KIAA1549L: variants seen among roughly 807,000 people sequenced by gnomAD.
KIAA1549L encodes the protein UPF0606 protein KIAA1549L.
KIAA1549L carries 88 observed loss-of-function variants against 160.7 expected under a neutral mutation model. That is an observed-to-expected ratio of 0.55 (90% CI 0.46 to 0.65). KIAA1549L has a LOEUF of 0.65. Among genes scored for constraint, KIAA1549L ranks in the 30% least tolerant of loss-of-function variants. The pLI is 0.00. For missense variants in KIAA1549L, 2,258 were observed against 2,437.5 expected (o/e 0.93, Z 1.55); for synonymous variants, 950 against 976.7 (o/e 0.97, Z 0.51).
chr11:33,466,176 G>A (rs1852053926), intron 1 of KIAA1549L, among the ~76,000 whole-genome samples: 1 of 152,200 alleles, frequency 6.6e-6, no homozygotes, highest in Admixed American at 6.5e-5. Context: ...TCATCAGAGT[G>A]AACAGGCAAC....
At chr11:33,566,896 T>G (rs1028908164) in intron 8 of KIAA1549L, among the ~76,000 whole-genome samples, 1 of 152,224 alleles carries the variant, frequency 6.6e-6, no homozygotes, top group Admixed American at 6.5e-5. Context: ...CCCTTTCAAG[T>G]TTTGGTCTCT....
chr11:33,554,653 G>A (rs886274285), intron 6 of KIAA1549L, among the ~76,000 whole-genome samples: 5 of 152,186 alleles, frequency 3.3e-5, no homozygotes, highest in African/African-American at 1.2e-4. Context: ...AAATGCCTGG[G>A]ATTAGCTCTC....
chr11:33,498,546 G>A (rs1852872296), intron 1 of KIAA1549L, among the ~76,000 whole-genome samples: 1 of 152,154 alleles, frequency 6.6e-6, no homozygotes, highest in South Asian at 2.1e-4. Context: ...TTTCCTCATA[G>A]CATGGAGGTC....
chr11:33,477,505 A>ATGCACG (rs1554981514), intron 1 of KIAA1549L, among the ~76,000 whole-genome samples: 101 of 143,218 alleles, frequency 7.1e-4, no homozygotes, highest in African/African-American at 2.8e-3. Context: ...ACGCAGGTGC[A>ATGCACG]CGCACACACA....
At position 33,645,754 on chromosome 11, in the gene KIAA1549L, T is replaced by C; in HGVS notation, c.5478T>C (p.Ser1826=). Residue 1826 remains serine, a synonymous_variant, in exon 17 of 21, where the codon TCT becomes TCC. Coordinates refer to ENST00000658780, the MANE Select transcript of KIAA1549L (RefSeq NM_012194.3). ...RVPEPRGYSR[S]RQVKGHSETS... is the part of the protein sequence containing the mutation. ...CTGAGCCCCGGGGCTATTCCAGGTC[T>C]CGACAGGTGAAAGGCCACTCGGAGA... is the stretch of plus-strand genomic sequence containing the variant. 1 of 1,613,950 alleles carries C rather than the reference T, an allele frequency of 6.2e-7. No individual in the cohort carries two copies. The highest frequency in any genetic ancestry group is 8.5e-7 in the Non-Finnish European group (1 of 1,179,874).
At chr11:33,419,611 C>T (rs1022170767) in intron 1 of KIAA1549L, among the ~76,000 whole-genome samples, 8 of 151,872 alleles carry the variant, frequency 5.3e-5, no homozygotes, top group Non-Finnish European at 7.4e-5. Flanking sequence ...TTTGGGAGGC[C>T]GAGGTGGGCG....
intron 1 of KIAA1549L, among the ~76,000 whole-genome samples, chr11:33,474,054 G>A (rs1299769056): frequency 1.3e-5 from 2 of 152,042 alleles, no homozygotes; most frequent in Non-Finnish European, 2.9e-5. Context: ...AGAGAGAGAG[G>A]GAGAAGGTGG....
At chr11:33,410,486 A>G (rs940301980) in intron 1 of KIAA1549L, among the ~76,000 whole-genome samples, 2 of 152,172 alleles carry the variant, frequency 1.3e-5, no homozygotes, top group Non-Finnish European at 2.9e-5. Context: ...AGTTCTTATA[A>G]CACATTTCTT....
intron 8 of KIAA1549L, among the ~76,000 whole-genome samples, chr11:33,564,137 G>A (rs1854969241): frequency 1.3e-5 from 2 of 152,154 alleles, no homozygotes; most frequent in Non-Finnish European, 2.9e-5. Context: ...GGGAAGGGCT[G>A]GAACCAGGTC....
At position 33,647,465 on chromosome 11, in the gene KIAA1549L, T is replaced by C. The variant is rs548450372; in HGVS notation, c.5760+1429T>C. 2.0e-5 allele frequency among the ~76,000 whole-genome samples: 3 copies of C among 152,240 alleles called. No homozygotes were observed. In the South Asian group the frequency reaches 6.2e-4, roughly 32 times the overall value. On this transcript the variant is annotated intron_variant, in intron 17 of 20. Coordinates refer to ENST00000658780, the MANE Select transcript of KIAA1549L (RefSeq NM_012194.3). ...CATATTTGAAAAAGCATCCAATGAC[T>C]GAAAGCTTCTGTAATTTACACTTGA...
chr11:33,480,110 T>C (rs1852377676), intron 1 of KIAA1549L, among the ~76,000 whole-genome samples: 1 of 152,140 alleles, frequency 6.6e-6, no homozygotes, highest in Admixed American at 6.5e-5. Context: ...CCAAATACAA[T>C]ACAGCTCACC....
chr11:33,623,342 G>T (rs1851010927), intron 16 of KIAA1549L, among the ~76,000 whole-genome samples: 1 of 152,108 alleles, frequency 6.6e-6, no homozygotes, highest in African/African-American at 2.4e-5. Context: ...GTGCTCTTGT[G>T]TTGACCCCAC....
chr11:33,387,316 A>AT (rs1850192723), intron 1 of KIAA1549L, among the ~76,000 whole-genome samples: 1 of 151,412 alleles, frequency 6.6e-6, no homozygotes, highest in Non-Finnish European at 1.5e-5. Context: ...ATTTTATTTT[A>AT]TTTTTTTGAG....
chr11:33,547,219 G>C (rs879808640), intron 3 of KIAA1549L, among the ~76,000 whole-genome samples: 5 of 152,196 alleles, frequency 3.3e-5, no homozygotes, highest in Non-Finnish European at 7.3e-5. Flanking sequence ...AATTTTCCCT[G>C]ATCCCCATCC....
intron 20 of KIAA1549L, among the ~76,000 whole-genome samples, chr11:33,666,365 C>T (rs1482116385): frequency 6.6e-6 from 1 of 152,208 alleles, no homozygotes; most frequent in African/African-American, 2.4e-5. Context: ...TACGCCCATA[C>T]ATTTTGATTT....
intron 1 of KIAA1549L, among the ~76,000 whole-genome samples, chr11:33,540,005 C>G (rs1376615691): frequency 6.6e-6 from 1 of 152,208 alleles, no homozygotes; most frequent in East Asian, 1.9e-4. Flanking sequence ...TGGAAAACAA[C>G]AAGGTCCAGT....
chr11:33,612,177 A>G (rs1332927901), intron 15 of KIAA1549L, among the ~76,000 whole-genome samples: 1 of 152,210 alleles, frequency 6.6e-6, no homozygotes. Context: ...ATGGGGAGGG[A>G]CAGACAGAAA....
At position 33,544,975 on chromosome 11, in the gene KIAA1549L, G is replaced by GAGGACA. The variant is rs758347307; in HGVS notation, c.2983_2988dup (p.Arg995_Thr996dup). 30 of 1,613,882 alleles carry GAGGACA rather than the reference G, an allele frequency of 1.9e-5. No individual in the cohort carries two copies. The highest frequency in any genetic ancestry group is 2.5e-5 in the Non-Finnish European group (29 of 1,179,896). On this transcript the variant is annotated inframe_insertion, in exon 3 of 21. Transcript: ENST00000658780. ...CAAACAAGGCCGCATCTGGCCCAAA[G>GAGGACA]AGGACACCAGGGGCAGTCCATACAG...
intron 1 of KIAA1549L, among the ~76,000 whole-genome samples, chr11:33,509,089 G>A (rs1188920915): frequency 2.0e-5 from 3 of 152,074 alleles, no homozygotes; most frequent in African/African-American, 7.2e-5. Context: ...TCACTGGCTT[G>A]GTTTCTATCA....
Sources: allele counts gnomAD v4.1 joint callset (sites outside exome capture counted in the v4.1 genomes callset), GRCh38; gene constraint gnomAD v4.1.1; transcripts MANE v1.5; gene names NCBI Gene and HGNC (gene_info 2026-07-23, HGNC 2026-07-21).